The following PRSS33 variants were observed in gnomAD, a reference collection of about 807,000 sequenced individuals.
The protein encoded by PRSS33 is serine protease 33, also known as protease, serine 33.
A neutral mutation model predicts 26.7 loss-of-function variants in PRSS33; 32 were observed. That is an observed-to-expected ratio of 1.20 (90% CI 0.90 to 1.61). The LOEUF (loss-of-function observed/expected upper bound fraction) is 1.61. Ranked by LOEUF, PRSS33 falls within the 40% of genes most tolerant of loss-of-function variation. The pLI is 0.00. For missense variants in PRSS33, 450 were observed against 396.3 expected (o/e 1.14, Z -1.15); for synonymous variants, 192 against 177.6 (o/e 1.08, Z -0.64).
In PRSS33 at chr16:2,785,319, A is replaced by G. The variant is rs895902605; in HGVS notation, c.514+56T>C. ...GTGAGGGGCTGGGATTTCCAGTCAGATGGAGGAGGACGTGGGGGCTCCCGG... is the reference window on the plus strand; with the variant it reads ...GTGAGGGGCTGGGATTTCCAGTCAGGTGGAGGAGGACGTGGGGGCTCCCGG... On this transcript the variant is annotated intron_variant, in intron 5 of 6. Coordinates refer to ENST00000682474, the MANE Select transcript of PRSS33 (RefSeq NM_152891.3). The G allele has an allele frequency of 4.8e-6, 7 of 1,461,044 alleles. 1 individual carries two copies. Among genetic ancestry groups the G allele is most frequent in the Non-Finnish European group, 6.3e-6 (7 of 1,111,518 alleles). The allele number at this position is 1,461,044 out of a possible 1,614,324, so 90.5% of individuals were successfully genotyped here. A position where few individuals can be genotyped will look rare whatever the true frequency, so the allele number is the denominator to read the frequency against.
At chr16:2,784,933 G>T in intron 6 of PRSS33, 69 bp downstream of exon 6, 1 of 1,553,056 alleles carries the variant, frequency 6.4e-7, no homozygotes, top group Non-Finnish European at 8.7e-7. Flanking sequence ...CCTGGGTCCT[G>T]GAGTTCAGGG....
chr16:2,786,594 T>G lies in PRSS33; in HGVS notation c.-47A>C. 6.2e-7 allele frequency: 1 copy of G among 1,608,466 alleles called. No individual in the cohort carries two copies. Among genetic ancestry groups the G allele is most frequent in the Non-Finnish European group, 8.5e-7 (1 of 1,176,336 alleles). On this transcript the variant is annotated 5_prime_UTR_variant, in exon 2 of 7. Coordinates refer to ENST00000682474, the MANE Select transcript of PRSS33 (RefSeq NM_152891.3). ...GGTAAGGGTGGCACTGCCTAGGGCT[T>G]GGACTCTGGTCTGGAGCCAGCAGGG...
At position 2,785,779 on chromosome 16, in the gene PRSS33, G is replaced by C; in HGVS notation, c.242+20C>G. On this transcript the variant is annotated intron_variant, in intron 4 of 6. Transcript: ENST00000682474. Reference sequence around the variant, plus strand: ...TTGCCTTCCTTGCACACCCCGCCTGGGCCCTCGGTGAGCGCTGACCTGGGG... The same window carrying C: ...TTGCCTTCCTTGCACACCCCGCCTGCGCCCTCGGTGAGCGCTGACCTGGGG... The C allele has an allele frequency of 6.4e-7, 1 of 1,570,680 alleles. No homozygotes were observed. Among genetic ancestry groups the C allele is most frequent in the South Asian group, 1.1e-5 (1 of 87,908 alleles).
chr16:2,784,928 G>C, intron 6 of PRSS33, 74 bp downstream of exon 6: 1 of 1,546,844 alleles, frequency 6.5e-7, no homozygotes, highest in South Asian at 1.2e-5. Context: ...GATGTCCTGG[G>C]TCCTGGAGTT....
rs755814038 is a variant in PRSS33 at position 2,785,868 on chromosome 16, C to G, written c.173G>C (p.Gly58Ala). Residue 58 changes from glycine (G) to alanine (A), a missense_variant, in exon 4 of 7, where the codon GGG becomes GCG. By Grantham distance (60) the Gly-to-Ala change is moderately conservative. Coordinates refer to ENST00000682474, the MANE Select transcript of PRSS33 (RefSeq NM_152891.3). Reference sequence around the variant, plus strand: ...GAGCGACCCCCCGCACACGTGTGCCCCACGATGCTGGATGCTCGCCTGCCA... The same window carrying G: ...GAGCGACCCCCCGCACACGTGTGCCGCACGATGCTGGATGCTCGCCTGCCA... ...WPWQASIQHR[G>A]AHVCGGSLIA... The G allele has an allele frequency of 6.2e-7, 1 of 1,609,674 alleles. No individual in the cohort carries two copies. The highest frequency in any genetic ancestry group is 8.5e-7 in the Non-Finnish European group (1 of 1,179,070).
At position 2,786,130 on chromosome 16, in the gene PRSS33, G is replaced by T. The variant is rs1325942835; in HGVS notation, c.47-9C>A. On this transcript the variant is annotated splice_polypyrimidine_tract_variant and intron_variant, in intron 2 of 6. Coordinates refer to ENST00000682474, the MANE Select transcript of PRSS33 (RefSeq NM_152891.3). ...CTGAGTCCCAGCAGCTCCTGGAGGA[G>T]GAAGCAGGGAAGGGACCAGATTATA... 1 of 1,611,886 alleles carries T rather than the reference G, an allele frequency of 6.2e-7. No individual in the cohort carries two copies. The highest frequency in any genetic ancestry group is 8.5e-7 in the Non-Finnish European group (1 of 1,178,412).
At position 2,785,125 on chromosome 16, in the gene PRSS33, C is replaced by G. The variant is rs778625644; in HGVS notation, c.561G>C (p.Leu187=). The G allele has an allele frequency of 3.9e-6, 6 of 1,545,622 alleles. No individual in the cohort carries two copies. In the East Asian group the frequency reaches 1.5e-4, roughly 38 times the overall value. Residue 187 remains leucine, a synonymous_variant, in exon 6 of 7, where the codon CTG becomes CTC. Coordinates refer to ENST00000682474, the MANE Select transcript of PRSS33 (RefSeq NM_152891.3). ...WRPLQGVRVP[L]LDSRTCDGLY... ...GGCCGTCGCAGGTGCGCGAGTCCAG[C>G]AGCGGCACCCTTACTCCTTGTAGCG...
intron 2 of PRSS33, 132 bp downstream of exon 2, chr16:2,786,370 G>T: frequency 2.7e-6 from 3 of 1,104,214 alleles, no homozygotes; most frequent in Non-Finnish European, 4.0e-6. Flanking sequence ...TGGCAGAGAG[G>T]ATTGAGCCCT....
rs1180613386 is a variant in PRSS33 at position 2,785,916 on chromosome 16, TC to T, written c.124del (p.Asp42MetfsTer32). 3 of 1,612,016 alleles carry T rather than the reference TC, an allele frequency of 1.9e-6. No homozygotes were observed. In the East Asian group the frequency reaches 6.7e-5, roughly 36 times the overall value. Reference sequence around the variant, plus strand: ...CCACGGCCACTCTCCGTCCCGGCCATCCCGGCCCCCAACGATCCGACTGGAC... The same window carrying T: ...CCACGGCCACTCTCCGTCCCGGCCATCCGGCCCCCAACGATCCGACTGGAC... ...RMSSRIVGGR[D>X]GRDGEWPWQA... On this transcript the variant is annotated frameshift_variant, in exon 4 of 7. Transcript: ENST00000682474. LOFTEE classifies it high-confidence loss of function.
intron 5 of PRSS33, 44 bp from the exon 6 acceptor site, chr16:2,785,215 G>A (rs911624582): frequency 1.3e-6 from 2 of 1,501,998 alleles, no homozygotes; most frequent in Non-Finnish European, 1.8e-6. Flanking sequence ...CGTGGAGCGG[G>A]GGCCAGTGGG....
rs2150791515 is a variant in PRSS33 at position 2,787,522 on chromosome 16, C to G, written c.-58+11G>C. Reference sequence around the variant, plus strand: ...CCCCTGCAGCCCCCACAGCCCCTGGCTTGCTCTCACCCTCACAGCCTGGCG... The same window carrying G: ...CCCCTGCAGCCCCCACAGCCCCTGGGTTGCTCTCACCCTCACAGCCTGGCG... On this transcript the variant is annotated intron_variant, in intron 1 of 6. Coordinates refer to ENST00000682474, the MANE Select transcript of PRSS33 (RefSeq NM_152891.3). 6.9e-6 allele frequency among the ~76,000 whole-genome samples: 1 copy of G among 144,226 alleles called. No homozygotes were observed. The highest frequency in any genetic ancestry group is 2.7e-5 in the African/African-American group (1 of 37,558). 94.6% of individuals were successfully genotyped at this position (144,226 alleles called of 152,430 possible).
At chr16:2,785,736 C>T in intron 4 of PRSS33, 63 bp downstream of exon 4, 2 of 1,500,838 alleles carry the variant, frequency 1.3e-6, no homozygotes, top group African/African-American at 1.4e-5. Flanking sequence ...CCAGGCCACG[C>T]CCGGTCCTCT....
chr16:2,785,546 G>A lies in PRSS33; in HGVS notation c.343C>T (p.Pro115Ser). 1 of 1,528,000 alleles carries A rather than the reference G, an allele frequency of 6.5e-7. No individual in the cohort carries two copies. The highest frequency in any genetic ancestry group is 8.7e-7 in the Non-Finnish European group (1 of 1,144,494). 94.7% of individuals were successfully genotyped at this position (1,528,000 alleles called of 1,614,324 possible). Residue 115 changes from proline (P) to serine (S), a missense_variant, in exon 5 of 7, where the codon CCC becomes TCC. Coordinates refer to ENST00000682474, the MANE Select transcript of PRSS33 (RefSeq NM_152891.3). ...GCCCCGTCCTCGGAGTAGTCCGGGG[G>A]CAGCAGCACCCGTCGCACGGGCACC... ...LSVPVRRVLL[P>S]PDYSEDGARG...
At chr16:2,785,706 C>T (rs2068865883) in intron 4 of PRSS33, 60 bp from the exon 5 acceptor site, 1 of 1,471,144 alleles carries the variant, frequency 6.8e-7, no homozygotes, top group African/African-American at 1.4e-5. Context: ...CTCCAGCCCG[C>T]CTCGACCCCA....
Position 2,785,181 on chromosome 16 carries a change from G to C in PRSS33, c.515-10C>G. On this transcript the variant is annotated splice_polypyrimidine_tract_variant and intron_variant, in intron 5 of 6. Transcript: ENST00000682474. ...CACTCTGGGAGGGGCACTGGGGGAA[G>C]AGGAGGGACCTCTGAGAGGAAGGCG... 1 of 1,534,014 alleles carries C rather than the reference G, an allele frequency of 6.5e-7. No homozygotes were observed. Among genetic ancestry groups the C allele is most frequent in the Non-Finnish European group, 8.7e-7 (1 of 1,143,324 alleles).
At position 2,785,792 on chromosome 16, in the gene PRSS33, C is replaced by G; in HGVS notation, c.242+7G>C. 2 of 1,589,128 alleles carry G rather than the reference C, an allele frequency of 1.3e-6. No homozygotes were observed. Among genetic ancestry groups the G allele is most frequent in the African/African-American group, 2.7e-5 (2 of 74,552 alleles). On this transcript the variant is annotated splice_region_variant and intron_variant, in intron 4 of 6. Transcript: ENST00000682474. Reference sequence around the variant, plus strand: ...ACACCCCGCCTGGGCCCTCGGTGAGCGCTGACCTGGGGAAGCAGTGCGCCG... The same window carrying G: ...ACACCCCGCCTGGGCCCTCGGTGAGGGCTGACCTGGGGAAGCAGTGCGCCG...
rs758709880 is a variant in PRSS33 at position 2,786,572 on chromosome 16, A to T, written c.-25T>A. ...TTCTGTCTTCAAGGCTGGGCTGGGT[A>T]AGGGTGGCACTGCCTAGGGCTTGGA... On this transcript the variant is annotated 5_prime_UTR_variant, in exon 2 of 7. Transcript: ENST00000682474. The T allele has an allele frequency of 3.1e-6, 5 of 1,612,484 alleles. No homozygotes were observed. Among genetic ancestry groups the T allele is most frequent in the Non-Finnish European group, 3.4e-6 (4 of 1,179,406 alleles).
Position 2,785,834 on chromosome 16 carries a change from G to C in PRSS33, c.207C>G (p.Pro69=), listed in dbSNP as rs1243645670. Residue 69 remains proline, a synonymous_variant, in exon 4 of 7, where the codon CCC becomes CCG. Coordinates refer to ENST00000682474, the MANE Select transcript of PRSS33 (RefSeq NM_152891.3). ...AHVCGGSLIA[P]QWVLTAAHCF... ...AGTGCGCCGCTGTCAGCACCCACTG[G>C]GGGGCGATGAGCGACCCCCCGCACA... 1.9e-6 allele frequency: 3 copies of C among 1,606,290 alleles called. No homozygotes were observed. Among genetic ancestry groups the C allele is most frequent in the South Asian group, 1.1e-5 (1 of 90,704 alleles).
Position 2,785,838 on chromosome 16 carries a change from G to A in PRSS33, c.203C>T (p.Ala68Val). ...GAHVCGGSLI[A>V]PQWVLTAAHC... ...CGCCGCTGTCAGCACCCACTGGGGG[G>A]CGATGAGCGACCCCCCGCACACGTG... Residue 68 changes from alanine to valine, a missense_variant, in exon 4 of 7, where the codon GCC becomes GTC. By Grantham distance (64) the Ala-to-Val change is moderately conservative. Coordinates refer to ENST00000682474, the MANE Select transcript of PRSS33 (RefSeq NM_152891.3). The A allele has an allele frequency of 1.9e-6, 3 of 1,606,528 alleles. No homozygotes were observed. The highest frequency in any genetic ancestry group is 1.7e-4 in the Middle Eastern group (1 of 6,018).
Sources: gnomAD v4.1 joint callset for allele counts (sites outside exome capture counted in the v4.1 genomes callset) on GRCh38, gnomAD v4.1.1 for gene constraint, MANE v1.5 for transcripts, NCBI Gene and HGNC (gene_info 2026-07-23, HGNC 2026-07-21) for gene names.